The following DGKB variants were observed in gnomAD, a reference collection of about 807,000 sequenced individuals.
The protein encoded by DGKB is diacylglycerol kinase beta.
DGKB carries 67 observed loss-of-function variants against 114.3 expected under a neutral mutation model. The ratio of observed to expected loss-of-function variants is 0.59; its 90% CI spans 0.48 to 0.72. DGKB has a LOEUF of 0.72. Among genes scored for constraint, DGKB ranks in the 30% least tolerant of loss-of-function variants. The probability of loss-of-function intolerance (pLI) is 0.00; values close to 1 mark genes in which losing one functional copy is unlikely to be tolerated. For synonymous variants in DGKB, 398 were observed against 323.1 expected (o/e 1.23, Z -2.49); for missense variants, 907 against 975.2 (o/e 0.93, Z 0.93).
chr7:14,335,729 G>C (rs937418219), intron 23 of DGKB, among the ~76,000 whole-genome samples: 1 of 152,022 alleles, frequency 6.6e-6, no homozygotes, highest in African/African-American at 2.4e-5. Flanking sequence ...TACTATTGCT[G>C]CTTTGTTGTG....
intron 20 of DGKB, among the ~76,000 whole-genome samples, chr7:14,536,102 GAAGAAATAGAA>G (rs1263628560): frequency 2.0e-4 from 30 of 151,466 alleles, no homozygotes; most frequent in African/African-American, 7.3e-4. Context: ...AAGACAGAAA[GAAGAAATAGAA>G]ACACTTTAAA....
intron 17 of DGKB, among the ~76,000 whole-genome samples, chr7:14,584,034 T>C (rs757539817): frequency 6.6e-6 from 1 of 152,192 alleles, no homozygotes; most frequent in Non-Finnish European, 1.5e-5. Context: ...TAAATCTTTA[T>C]TACACACATA....
chr7:14,587,796 T>A (rs1284401637), intron 17 of DGKB, among the ~76,000 whole-genome samples: 1 of 152,180 alleles, frequency 6.6e-6, no homozygotes, highest in African/African-American at 2.4e-5. Context: ...TCGCAATGAA[T>A]TATTTTTAAA....
intron 2 of DGKB, among the ~76,000 whole-genome samples, chr7:14,775,990 G>A (rs1313413838): frequency 6.6e-6 from 1 of 152,038 alleles, no homozygotes. Context: ...GAGACTTGTG[G>A]AATGGCTTTG....
chr7:14,333,951 C>T (rs973386220), intron 23 of DGKB, among the ~76,000 whole-genome samples: 21 of 152,150 alleles, frequency 1.4e-4, no homozygotes, highest in African/African-American at 4.1e-4. Flanking sequence ...TGCTTACACG[C>T]AGTTGTGAGC....
chr7:14,748,575 A>G (rs1374235304), intron 4 of DGKB, among the ~76,000 whole-genome samples: 2 of 152,148 alleles, frequency 1.3e-5, no homozygotes, highest in Non-Finnish European at 2.9e-5. Context: ...AGGGAGGACC[A>G]GAGTAGTAGA....
intron 21 of DGKB, among the ~76,000 whole-genome samples, chr7:14,458,984 G>T (rs948845588): frequency 6.6e-6 from 1 of 152,194 alleles, no homozygotes; most frequent in Non-Finnish European, 1.5e-5. Flanking sequence ...ACAGCAGTCT[G>T]AAGTCAACCT....
intron 1 of DGKB, among the ~76,000 whole-genome samples, chr7:14,908,443 T>C (rs1783822949): frequency 1.3e-5 from 2 of 152,158 alleles, no homozygotes; most frequent in South Asian, 2.1e-4. Flanking sequence ...CAAATAATCA[T>C]TTTAAATGTC....
chr7:14,701,862 T>A (rs1825249240), intron 6 of DGKB, 132 bp from the exon 7 acceptor site: 1 of 621,636 alleles, frequency 1.6e-6, no homozygotes, highest in South Asian at 2.0e-5. Context: ...AACAATTAAT[T>A]TGTGGGATTA....
chr7:14,865,721 A>T (rs1004154870), intron 1 of DGKB, among the ~76,000 whole-genome samples: 5 of 152,184 alleles, frequency 3.3e-5, no homozygotes, highest in Middle Eastern at 3.2e-3. Flanking sequence ...GTGGAGTTGA[A>T]GTCGAATTTA....
rs577860571 is a variant in DGKB, at chr7:14,384,513, C to G, written c.1836-39122G>C. Among the ~76,000 whole-genome samples, 3 of 152,244 alleles carry G rather than the reference C, an allele frequency of 2.0e-5. No individual in the cohort carries two copies. The South Asian group carries it at 6.2e-4, about 32-fold the overall frequency. ...ATTCATACAGACAATGTTTGCTGAC[C>G]CCTGGCATAGGCAAAGCAAAATACA... On this transcript the variant is annotated intron_variant, in intron 21 of 25. Coordinates refer to ENST00000402815, the MANE Select transcript of DGKB (RefSeq NM_001350709.2).
intron 14 of DGKB, among the ~76,000 whole-genome samples, chr7:14,628,529 G>A (rs1187870121): frequency 6.6e-6 from 1 of 152,108 alleles, no homozygotes; most frequent in African/African-American, 2.4e-5. Flanking sequence ...CCAATTAGAA[G>A]ATCTGTCCTC....
intron 20 of DGKB, among the ~76,000 whole-genome samples, chr7:14,486,256 T>A (rs1486738321): frequency 6.6e-6 from 1 of 152,170 alleles, no homozygotes; most frequent in Non-Finnish European, 1.5e-5. Flanking sequence ...AGGGGCAGCA[T>A]CATTGTTCCA....
intron 20 of DGKB, among the ~76,000 whole-genome samples, chr7:14,540,567 AC>A (rs1793262259): frequency 6.6e-6 from 1 of 152,192 alleles, no homozygotes; most frequent in Non-Finnish European, 1.5e-5. Flanking sequence ...CAAAGTCATC[AC>A]AGTTGCTAAT....
intron 1 of DGKB, among the ~76,000 whole-genome samples, chr7:14,863,283 A>T (rs147481327): frequency 6.6e-6 from 1 of 151,768 alleles, no homozygotes; most frequent in Non-Finnish European, 1.5e-5. Flanking sequence ...ATAATAGTTT[A>T]TATTAGGTAC....
intron 2 of DGKB, among the ~76,000 whole-genome samples, chr7:14,773,496 C>T (rs755258848): frequency 9.9e-5 from 15 of 151,954 alleles, no homozygotes; most frequent in Non-Finnish European, 1.9e-4. Context: ...TGAAGAATGA[C>T]AGAGAAGGTA....
rs543416659 is a variant in DGKB at position 14,158,520 on chromosome 7, C to G, written c.2305-9282G>C. ...AGAAACTTCTTTAATGGCCCAATTTCTAGACTCAGCCATAACCTTGGCTAT... is the reference window on the plus strand; with the variant it reads ...AGAAACTTCTTTAATGGCCCAATTTGTAGACTCAGCCATAACCTTGGCTAT... On this transcript the variant is annotated intron_variant, in intron 25 of 25. Coordinates refer to ENST00000402815, the MANE Select transcript of DGKB (RefSeq NM_001350709.2). Among the ~76,000 whole-genome samples, 3 of 152,308 alleles carry G rather than the reference C, an allele frequency of 2.0e-5. No individual in the cohort carries two copies. In the South Asian group the frequency reaches 6.2e-4, roughly 32 times the overall value.
chr7:14,354,035 G>C (rs924959317), intron 21 of DGKB, among the ~76,000 whole-genome samples: 1 of 152,112 alleles, frequency 6.6e-6, no homozygotes, highest in African/African-American at 2.4e-5. Context: ...ACCAGTGAGT[G>C]GTAAGTTGAC....
intron 23 of DGKB, among the ~76,000 whole-genome samples, chr7:14,192,674 G>A (rs1366972492): frequency 6.6e-6 from 1 of 151,972 alleles, no homozygotes; most frequent in African/African-American, 2.4e-5. Flanking sequence ...GTTGGGAGGT[G>A]GTTTTGAGAT....
Sources: allele counts gnomAD v4.1 joint callset (sites outside exome capture counted in the v4.1 genomes callset), GRCh38; gene constraint gnomAD v4.1.1; transcripts MANE v1.5; gene names NCBI Gene and HGNC (gene_info 2026-07-23, HGNC 2026-07-21).